MTF2: variants seen among roughly 807,000 people sequenced by gnomAD.
MTF2 encodes the protein metal-response element-binding transcription factor 2.
A neutral mutation model predicts 79.5 loss-of-function variants in MTF2; 11 were observed. The ratio of observed to expected loss-of-function variants is 0.14; its 90% CI spans 0.09 to 0.23. MTF2 has a LOEUF of 0.23. Ranked by LOEUF, MTF2 falls within the 10% of genes least tolerant of loss-of-function variation. The pLI is 1.00. For synonymous variants in MTF2, 208 were observed against 232.8 expected, an observed-to-expected ratio of 0.89 and a Z score of 0.97; for missense variants, 486 against 711.2, an observed-to-expected ratio of 0.68 and a Z score of 3.60.
rs751006346 is a variant in MTF2, at chr1:93,134,215, AT to A, written c.1424+28del. On this transcript the variant is annotated intron_variant, in intron 14 of 14. Transcript: ENST00000370298. ...TTATGGGTAGATATTTTACATTCTT[AT>A]TTTTTTTACTTTTTTTACTCTAGAT... is the stretch of plus-strand genomic sequence containing the variant. 24 of 1,526,302 alleles carry A rather than the reference AT, an allele frequency of 1.6e-5. No homozygotes were observed. The highest frequency in any genetic ancestry group is 3.8e-5 in the Admixed American group (2 of 52,834). 94.5% of individuals were successfully genotyped at this position (1,526,302 alleles called of 1,614,324 possible).
chr1:93,115,511 G>C lies in MTF2; in HGVS notation c.525G>C (p.Leu175Phe), dbSNP rs2101065660. The change falls in exon 6 of 15, where the codon TTG (leucine) becomes TTC (phenylalanine). Residue 175 changes from leucine to phenylalanine, a missense_variant. Around this residue, in one of 4 missense-constraint regions of MTF2, gnomAD observed 177 missense variants for 364.0 expected, o/e 0.49. Transcript: ENST00000370298. The part of the protein sequence containing the change: ...ALKKGPNAKA[L>F]QVMKQTLPYS... ...AGAAAGGACCAAATGCCAAAGCATT[G>C]CAAGTCATGAAGCAGACATTACCCT... The C allele has an allele frequency of 1.2e-6, 2 of 1,607,918 alleles. No individual in the cohort carries two copies. Among genetic ancestry groups the C allele is most frequent in the East Asian group, 2.2e-5 (1 of 44,638 alleles).
intron 1 of MTF2, among the ~76,000 whole-genome samples, chr1:93,101,568 GTTTTTTTTTT>G (rs71586778): frequency 0.017 from 427 of 25,400 alleles, 14 homozygotes; most frequent in East Asian, 0.051. Flanking sequence ...GCTCAGGCTG[GTTTTTTTTTT>G]TTTTTTTTTT....
intron 6 of MTF2, among the ~76,000 whole-genome samples, chr1:93,116,650 G>A (rs1172557796): frequency 6.6e-6 from 1 of 151,870 alleles, no homozygotes; most frequent in Non-Finnish European, 1.5e-5. Context: ...ACAGGCATGC[G>A]CCACCACACC....
At chr1:93,127,359 A>T in intron 10 of MTF2, 60 bp downstream of exon 10, 3 of 1,098,046 alleles carry the variant, frequency 2.7e-6, no homozygotes, top group Non-Finnish European at 4.2e-6. Flanking sequence ...ATAAGGAATA[A>T]TGGCATTGTT....
intron 6 of MTF2, among the ~76,000 whole-genome samples, chr1:93,117,738 G>GC (rs1453355892): frequency 6.6e-6 from 1 of 152,110 alleles, no homozygotes; most frequent in Non-Finnish European, 1.5e-5. Context: ...GTGAAAAAAA[G>GC]CCCAGAGGCC....
chr1:93,108,820 C>T (rs938227919), intron 1 of MTF2, among the ~76,000 whole-genome samples: 19 of 152,172 alleles, frequency 1.2e-4, no homozygotes, highest in Admixed American at 1.2e-3. Flanking sequence ...TAAACACTAA[C>T]TCCCTATTCC....
chr1:93,129,226 A>G, intron 10 of MTF2, 52 bp from the exon 11 acceptor site: 3 of 1,328,902 alleles, frequency 2.3e-6, no homozygotes, highest in Non-Finnish European at 3.1e-6. Context: ...AGGGTCTACT[A>G]TGTATATGTG....
intron 9 of MTF2, among the ~76,000 whole-genome samples, chr1:93,123,250 G>GTC (rs1206519707): frequency 3.8e-5 from 5 of 132,690 alleles, no homozygotes; most frequent in Non-Finnish European, 6.4e-5. Context: ...GGACAGGAGA[G>GTC]TCTCTCTCTC....
In MTF2 at chr1:93,134,171, C is replaced by T. The variant is rs760606327; in HGVS notation, c.1400C>T (p.Ser467Leu). 8 of 1,611,204 alleles carry T rather than the reference C, an allele frequency of 5.0e-6. No homozygotes were observed. The Admixed American group carries it at 6.7e-5, about 13-fold the overall frequency. Residue 467 changes from serine (S) to leucine (L), a missense_variant, in exon 14 of 15, where the codon TCG becomes TTG. Coordinates refer to ENST00000370298, the MANE Select transcript of MTF2 (RefSeq NM_007358.4). ...TGASSAKETTSSSISRHYGLS... is the reference protein window; with the variant it reads ...TGASSAKETTLSSISRHYGLS... ...GCTTCCAGTGCAAAAGAAACTACCT[C>T]GTCTAGCATTTCCAGGCATTATGGG...
At chr1:93,129,163 G>T in intron 10 of MTF2, 115 bp from the exon 11 acceptor site, 1 of 609,450 alleles carries the variant, frequency 1.6e-6, no homozygotes, top group South Asian at 5.1e-5. Context: ...GTGAATTTTT[G>T]TAGTATTGGG....
chr1:93,084,314 G>A (rs532015536), intron 1 of MTF2, among the ~76,000 whole-genome samples: 1 of 152,236 alleles, frequency 6.6e-6, no homozygotes, highest in East Asian at 1.9e-4. Context: ...GTAAAAGTTT[G>A]TTCTTGGATC....
chr1:93,116,525 A>T (rs1656256941), intron 6 of MTF2, among the ~76,000 whole-genome samples: 1 of 97,294 alleles, frequency 1.0e-5, no homozygotes, highest in Non-Finnish European at 2.1e-5. Context: ...TTTTTTTGAG[A>T]CAGGTTCTTG....
chr1:93,137,390 A>G lies in MTF2; in HGVS notation c.*363A>G, dbSNP rs542110086. On this transcript the variant is annotated 3_prime_UTR_variant, in exon 15 of 15. Transcript: ENST00000370298. Reference sequence around the variant, plus strand: ...TTATCAGAGCAAACATCATGTAGATAGCACAAGTATTTGGAGAAACGTTGT... The same window carrying G: ...TTATCAGAGCAAACATCATGTAGATGGCACAAGTATTTGGAGAAACGTTGT... 1 of 168,598 alleles carries G rather than the reference A, an allele frequency of 5.9e-6. No homozygotes were observed. The highest frequency in any genetic ancestry group is 1.6e-4 in the East Asian group (1 of 6,188). 10.4% of individuals were successfully genotyped at this position (168,598 alleles called of 1,614,324 possible).
At chr1:93,102,164 T>C (rs1655572679) in intron 1 of MTF2, among the ~76,000 whole-genome samples, 1 of 152,190 alleles carries the variant, frequency 6.6e-6, no homozygotes, top group Non-Finnish European at 1.5e-5. Context: ...CACTTTAGTA[T>C]ATGAACTCAG....
rs1027379139 is a variant in MTF2 at position 93,134,866 on chromosome 1, C to T, written c.1424+671C>T. On this transcript the variant is annotated intron_variant, in intron 14 of 14. Transcript: ENST00000370298. ...AAAAAAAAAAATCAGACACCTAAATCCTTTTGTCCATAAAATGATTTTAAA... is the reference window on the plus strand; with the variant it reads ...AAAAAAAAAAATCAGACACCTAAATTCTTTTGTCCATAAAATGATTTTAAA... 1.7e-4 allele frequency among the ~76,000 whole-genome samples: 25 copies of T among 151,292 alleles called. 1 individual carries two copies. The highest frequency in any genetic ancestry group is 5.8e-4 in the African/African-American group (24 of 41,274).
In MTF2 at chr1:93,137,190, A is replaced by G; in HGVS notation, c.*163A>G. 1 of 520,452 alleles carries G rather than the reference A, an allele frequency of 1.9e-6. No individual in the cohort carries two copies. The highest frequency in any genetic ancestry group is 3.3e-6 in the Non-Finnish European group (1 of 299,778). 32.2% of individuals were successfully genotyped at this position (520,452 alleles called of 1,614,324 possible). A position where few individuals can be genotyped will look rare whatever the true frequency, so the allele number is the denominator to read the frequency against. ...GCCTTAACATGTACCTGTCAATGTT[A>G]TGGATATTGTCATAAAAAGGTATCT... On this transcript the variant is annotated 3_prime_UTR_variant, in exon 15 of 15. Transcript: ENST00000370298.
At chr1:93,081,141 T>C (rs939337213) in intron 1 of MTF2, 16 of 152,228 alleles carry the variant, frequency 1.1e-4, no homozygotes, top group Middle Eastern at 3.2e-3. Flanking sequence ...ATGAAATGCA[T>C]ACACAGTTTT....
At chr1:93,083,098 C>G (rs1270332416) in intron 1 of MTF2, among the ~76,000 whole-genome samples, 1 of 152,186 alleles carries the variant, frequency 6.6e-6, no homozygotes, top group Non-Finnish European at 1.5e-5. Flanking sequence ...ACAGGCCATA[C>G]AGGAAGCATG....
chr1:93,125,674 A>C (rs1656668257), intron 9 of MTF2, among the ~76,000 whole-genome samples: 1 of 152,036 alleles, frequency 6.6e-6, no homozygotes, highest in Non-Finnish European at 1.5e-5. Flanking sequence ...ATTTGATAGC[A>C]GTTCATCTGA....
Sources: gnomAD v4.1 joint callset for allele counts (sites outside exome capture counted in the v4.1 genomes callset) on GRCh38, gnomAD v4.1.1 for gene constraint, gnomAD v4.1.1 regional missense constraint, MANE v1.5 for transcripts, NCBI Gene and HGNC (gene_info 2026-07-23, HGNC 2026-07-21) for gene names.